HDDC3: variants seen among roughly 807,000 people sequenced by gnomAD.
HDDC3 encodes guanosine-3',5'-bis(diphosphate) 3'-pyrophosphohydrolase MESH1.
A neutral mutation model predicts 19.1 loss-of-function variants in HDDC3; 18 were observed. That is an observed-to-expected ratio of 0.94 (90% CI 0.65 to 1.40). The LOEUF is 1.40. HDDC3 is among the 40% of genes most tolerant of loss of function. The pLI is 0.00. For missense variants in HDDC3, 250 were observed against 228.9 expected, an observed-to-expected ratio of 1.09 and a Z score of -0.59; for synonymous variants, 107 against 99.4, an observed-to-expected ratio of 1.08 and a Z score of -0.46.
chr15:90,932,282 C>T (rs2035828005), intron 1 of HDDC3, 147 bp downstream of exon 1: 1 of 844,880 alleles, frequency 1.2e-6, no homozygotes, highest in East Asian at 2.7e-5. Flanking sequence ...TCATGCCTAC[C>T]GTTCCAATTG....
intron 2 of HDDC3, 54 bp downstream of exon 2, chr15:90,932,001 A>G: frequency 6.2e-7 from 1 of 1,613,914 alleles, no homozygotes; most frequent in Non-Finnish European, 8.5e-7. Flanking sequence ...CCCATTGCTG[A>G]ATGGGGCCCC....
intron 3 of HDDC3, 36 bp from the exon 4 acceptor site, chr15:90,931,441 G>A (rs2151347915): frequency 6.2e-7 from 1 of 1,611,808 alleles, no homozygotes; most frequent in East Asian, 2.2e-5. Context: ...CTAGCGTGAT[G>A]TCAAGGAAAG....
Position 90,931,436 on chromosome 15 carries a change from G to A in HDDC3, c.410-31C>T, listed in dbSNP as rs749888237. ...TAAGAGTCGACAGAAACTTGCTAGC[G>A]TGATGTCAAGGAAAGCACTGCCTTT... On this transcript the variant is annotated intron_variant, in intron 3 of 3. Coordinates refer to ENST00000394272, the MANE Select transcript of HDDC3 (RefSeq NM_001286451.2). 2.5e-5 allele frequency: 40 copies of A among 1,610,496 alleles called. No homozygotes were observed. In the East Asian group the frequency reaches 7.6e-4, roughly 31 times the overall value.
chr15:90,932,130 C>T lies in HDDC3; in HGVS notation c.113-20G>A. 6.3e-7 allele frequency: 1 copy of T among 1,575,530 alleles called. No homozygotes were observed. The highest frequency in any genetic ancestry group is 8.6e-7 in the Non-Finnish European group (1 of 1,157,708). ...CCACACCTGACGGGGAGGGGCAAAG[C>T]AGGAAGTCAGGTCGGAGGTAGTCCC... On this transcript the variant is annotated intron_variant, in intron 1 of 3. Coordinates refer to ENST00000394272, the MANE Select transcript of HDDC3 (RefSeq NM_001286451.2).
In HDDC3 at chr15:90,931,276, C is replaced by A. The variant is rs2035779188; in HGVS notation, c.539G>T (p.Ter180LeuextTer71). The change falls in exon 4 of 4, where the codon TGA becomes TTA. Residue 180 changes from the stop codon to leucine (L), a stop_lost. Coordinates refer to ENST00000394272, the MANE Select transcript of HDDC3 (RefSeq NM_001286451.2). ...HLFKQRGLTI[*>L] The stretch of plus-strand genomic sequence containing the variant: ...CCTCTGGATAGCTTCAAGCACTGAT[C>A]AGATTGTCAGCCCCCGCTGCTTGAA... The A allele has an allele frequency of 1.3e-6, 2 of 1,550,344 alleles. No homozygotes were observed. The highest frequency in any genetic ancestry group is 1.7e-6 in the Non-Finnish European group (2 of 1,146,762).
chr15:90,931,764 G>C lies in HDDC3; in HGVS notation c.349C>G (p.Leu117Val), dbSNP rs1326529539. 6.2e-7 allele frequency: 1 copy of C among 1,614,124 alleles called. No individual in the cohort carries two copies. The change falls in exon 3 of 4, where the codon CTG (leucine) becomes GTG (valine). Residue 117 changes from leucine to valine, a missense_variant. By Grantham distance (32) the Leu-to-Val change is conservative (BLOSUM62 1). Transcript: ENST00000394272. ...QAPHSSPGAK[L>V]VKLADKLYNL... ...TACAGCTTGTCTGCCAGCTTCACCA[G>C]TTTGGCCCCGGGGCTACTGTGGGGC... is the stretch of plus-strand genomic sequence containing the variant.
In HDDC3 at chr15:90,931,927, G is replaced by A; in HGVS notation, c.186C>T (p.Asp62=). Residue 62 remains aspartate, a synonymous_variant, in exon 3 of 4, where the codon GAC becomes GAT. Coordinates refer to ENST00000394272, the MANE Select transcript of HDDC3 (RefSeq NM_001286451.2). The part of the protein sequence containing the change: ...IVVLQAALLH[D]TVEDTDTTLD... ...GGGTGGTGTCTGTGTCCTCCACCGT[G>A]TCATGGAGCAGGGCCGCCTGGGGAC... 6.2e-7 allele frequency: 1 copy of A among 1,613,942 alleles called. No individual in the cohort carries two copies.
intron 3 of HDDC3, 149 bp downstream of exon 3, chr15:90,931,555 T>C: frequency 2.5e-6 from 4 of 1,614,222 alleles, no homozygotes; most frequent in Non-Finnish European, 3.4e-6. Context: ...ATTGTATTTT[T>C]ACTGTATGAA....
At chr15:90,931,473 T>C in intron 3 of HDDC3, 68 bp from the exon 4 acceptor site, 1 of 1,614,134 alleles carries the variant, frequency 6.2e-7, no homozygotes, top group South Asian at 1.1e-5. Flanking sequence ...CCCCACTTCC[T>C]GGCAAGCTTG....
chr15:90,932,332 A>T, intron 1 of HDDC3, 97 bp downstream of exon 1: 1 of 833,672 alleles, frequency 1.2e-6, no homozygotes, highest in Non-Finnish European at 1.8e-6. Context: ...AGCTTGGGAC[A>T]AAACAGGTGC....
Position 90,931,286 on chromosome 15 carries a change from GC to G in HDDC3, c.528del (p.Leu177Ter), listed in dbSNP as rs1435894693. 20 of 1,550,586 alleles carry G rather than the reference GC, an allele frequency of 1.3e-5. No individual in the cohort carries two copies. The highest frequency in any genetic ancestry group is 2.7e-5 in the African/African-American group (2 of 73,030). On this transcript the variant is annotated frameshift_variant, in exon 4 of 4. Coordinates refer to ENST00000394272, the MANE Select transcript of HDDC3 (RefSeq NM_001286451.2). LOFTEE classifies it high-confidence loss of function. The stretch of plus-strand genomic sequence containing the variant: ...GCTTCAAGCACTGATCAGATTGTCA[GC>G]CCCCGCTGCTTGAACAGATGCTTTA... ...EALKHLFKQRGLTI is the reference protein window; with the variant it reads ...EALKHLFKQRXLTI
At chr15:90,932,358 C>T (rs536683116) in intron 1 of HDDC3, 71 bp downstream of exon 1, 16 of 947,726 alleles carry the variant, frequency 1.7e-5, no homozygotes, top group South Asian at 2.2e-5. Flanking sequence ...GAGGTGCACG[C>T]CCCCCACGTT....
At chr15:90,932,361 C>T in intron 1 of HDDC3, 68 bp downstream of exon 1, 1 of 995,132 alleles carries the variant, frequency 1.0e-6, no homozygotes, top group South Asian at 2.2e-5. Context: ...GTGCACGCCC[C>T]CCACGTTTCC....
chr15:90,931,404 T>G lies in HDDC3; in HGVS notation c.411A>C (p.Gly137=). The G allele has an allele frequency of 6.3e-7, 1 of 1,585,292 alleles. No individual in the cohort carries two copies. Among genetic ancestry groups the G allele is most frequent in the Non-Finnish European group, 8.6e-7 (1 of 1,165,000 alleles). The part of the protein sequence containing the change: ...LRDLNRCTPE[G]WSEHRVQEYF... ...ATTCCTGGACTCGATGTTCTGACCA[T>G]CCTGCATAAGAGTCGACAGAAACTT... The change falls in exon 4 of 4, where the codon GGA becomes GGC. Residue 137 remains glycine (G), a splice_region_variant and synonymous_variant. Transcript: ENST00000394272.
rs756539452 is a variant in HDDC3 at position 90,932,069 on chromosome 15, T to C, written c.154A>G (p.Ile52Val). The stretch of plus-strand genomic sequence containing the variant: ...GGGAAAGTTACCTGTAACACCACAA[T>C]GTCAGTGATTCCCGCCTCGTGGGTC... Reference protein sequence around the residue: ...ILTHEAGITDIVVLQAALLHD... With the variant: ...ILTHEAGITDVVVLQAALLHD... The change falls in exon 2 of 4, where the codon ATT becomes GTT. Residue 52 changes from isoleucine (I) to valine (V), a missense_variant. By Grantham distance (29) the Ile-to-Val change is conservative (BLOSUM62 3). Transcript: ENST00000394272. 1.3e-5 allele frequency: 21 copies of C among 1,611,774 alleles called. No homozygotes were observed. The highest frequency in any genetic ancestry group is 1.7e-5 in the Non-Finnish European group (20 of 1,178,678).
At chr15:90,932,376 C>G in intron 1 of HDDC3, 53 bp downstream of exon 1, 1 of 1,147,914 alleles carries the variant, frequency 8.7e-7, no homozygotes. Context: ...GTTTCCTTCC[C>G]AGTCCCCACC....
At position 90,932,523 on chromosome 15, in the gene HDDC3, C is replaced by G. The variant is rs953707138; in HGVS notation, c.18G>C (p.Ala6=). MGSEA[A]QLLEAADFAA... is the part of the protein sequence containing the mutation. Reference sequence around the variant, plus strand: ...CGAAGTCGGCAGCCTCCAGCAGCTGCGCCGCCTCAGAGCCCATCGCGCGGA... The same window carrying G: ...CGAAGTCGGCAGCCTCCAGCAGCTGGGCCGCCTCAGAGCCCATCGCGCGGA... Residue 6 remains alanine, a synonymous_variant, in exon 1 of 4, where the codon GCG becomes GCC. Coordinates refer to ENST00000394272, the MANE Select transcript of HDDC3 (RefSeq NM_001286451.2). 7.0e-6 allele frequency: 9 copies of G among 1,292,454 alleles called. No individual in the cohort carries two copies. Among genetic ancestry groups the G allele is most frequent in the Non-Finnish European group, 7.8e-6 (8 of 1,020,524 alleles). 80.1% of individuals were successfully genotyped at this position (1,292,454 alleles called of 1,614,324 possible). A position where few individuals can be genotyped will look rare whatever the true frequency, so the allele number is the denominator to read the frequency against.
intron 3 of HDDC3, 61 bp from the exon 4 acceptor site, chr15:90,931,466 C>T (rs1285141178): frequency 5.6e-6 from 9 of 1,614,058 alleles, no homozygotes; most frequent in Non-Finnish European, 7.6e-6. Flanking sequence ...GCCTTTTCCC[C>T]ACTTCCTGGC....
In HDDC3 at chr15:90,931,185, G is replaced by C; in HGVS notation, c.*90C>G. On this transcript the variant is annotated 3_prime_UTR_variant, in exon 4 of 4. Transcript: ENST00000394272. ...CTCTAATATCTGGGAAGGATGGAGG[G>C]AGCTCAGGAGACACAGAAAAGATGG... The C allele has an allele frequency of 4.8e-6, 7 of 1,445,944 alleles. No homozygotes were observed. The highest frequency in any genetic ancestry group is 6.6e-6 in the Non-Finnish European group (7 of 1,061,492). 89.6% of individuals were successfully genotyped at this position (1,445,944 alleles called of 1,614,324 possible).
Sources: allele counts gnomAD v4.1 joint callset, GRCh38; gene constraint gnomAD v4.1.1; transcripts MANE v1.5; gene names NCBI Gene and HGNC (gene_info 2026-07-23, HGNC 2026-07-21).